Variants in FLI1 observed in about 807,000 individuals in gnomAD.
FLI1 encodes Friend leukemia integration 1 transcription factor.
In FLI1, 13 loss-of-function variants were observed where a neutral mutation model predicts 53.1. The observed-to-expected ratio is 0.24, with a 90% CI of 0.16 to 0.39. The LOEUF is 0.39. Among genes scored for constraint, FLI1 ranks in the 10% least tolerant of loss-of-function variants. The pLI is 1.00. For missense variants in FLI1, 424 were observed against 600.5 expected, an observed-to-expected ratio of 0.71 and a Z score of 3.07; for synonymous variants, 244 against 236.7, an observed-to-expected ratio of 1.03 and a Z score of -0.28.
chr11:128,802,863 T>C (rs1443796967), intron 5 of FLI1, among the ~76,000 whole-genome samples: 1 of 152,168 alleles, frequency 6.6e-6, no homozygotes, highest in Non-Finnish European at 1.5e-5. Flanking sequence ...GCATTCAGAT[T>C]TTTGCATGCC....
At chr11:128,760,540 T>C (rs796657329) in intron 2 of FLI1, among the ~76,000 whole-genome samples, 6,407 of 144,574 alleles carry the variant, frequency 0.044, 210 homozygotes, top group East Asian at 0.26. Context: ...TTTTTTTTTT[T>C]TTTTTGAGAT....
At chr11:128,708,219 G>A (rs1938635258) in intron 1 of FLI1, among the ~76,000 whole-genome samples, 1 of 152,182 alleles carries the variant, frequency 6.6e-6, no homozygotes, top group South Asian at 2.1e-4. Context: ...TGAGACACAA[G>A]AATCCTTCTT....
chr11:128,718,392 C>G (rs757510681), intron 1 of FLI1, among the ~76,000 whole-genome samples: 1 of 152,172 alleles, frequency 6.6e-6, no homozygotes, highest in Non-Finnish European at 1.5e-5. Context: ...TTCCAAAGTG[C>G]CTCAAGCTAT....
chr11:128,740,461 C>T (rs583642), intron 1 of FLI1, among the ~76,000 whole-genome samples: 57,017 of 152,138 alleles, frequency 0.37, 10,991 homozygotes, highest in South Asian at 0.45. Flanking sequence ...TAAATATGGT[C>T]AACCTTGTTT....
intron 4 of FLI1, among the ~76,000 whole-genome samples, chr11:128,780,522 G>T (rs540562008): frequency 6.6e-6 from 1 of 152,248 alleles, no homozygotes; most frequent in African/African-American, 2.4e-5. Flanking sequence ...TTGAATCTGC[G>T]AGGCGGAGGT....
rs189717518 is a variant in FLI1, at chr11:128,802,109, A to C, written c.656-3257A>C. Among the ~76,000 whole-genome samples the C allele has an allele frequency of 2.4e-3, 359 of 152,302 alleles. 2 individuals carry two copies. The highest frequency in any genetic ancestry group is 4.3e-3 in the Non-Finnish European group (294 of 68,008). On this transcript the variant is annotated intron_variant, in intron 5 of 8. Transcript: ENST00000527786. ...CACTGAGGCCACCTCTGTGCTGGGC[A>C]CTATGCTGGGTGTTTACTTGGGTAT...
At chr11:128,700,866 C>A (rs1433471287) in intron 1 of FLI1, among the ~76,000 whole-genome samples, 1 of 152,120 alleles carries the variant, frequency 6.6e-6, no homozygotes, top group East Asian at 1.9e-4. Context: ...AAGTGAATAC[C>A]TGCCTCAAAA....
At chr11:128,775,196 A>G (rs1415098694) in intron 4 of FLI1, among the ~76,000 whole-genome samples, 1 of 152,128 alleles carries the variant, frequency 6.6e-6, no homozygotes, top group East Asian at 1.9e-4. Flanking sequence ...CATCCACAAG[A>G]TGGGAAGTAG....
At chr11:128,802,815 G>A (rs1038300110) in intron 5 of FLI1, among the ~76,000 whole-genome samples, 2 of 152,208 alleles carry the variant, frequency 1.3e-5, no homozygotes, top group Non-Finnish European at 2.9e-5. Context: ...AAATCCCATG[G>A]TCATCCGCCC....
intron 1 of FLI1, among the ~76,000 whole-genome samples, chr11:128,700,213 T>C (rs1938265446): frequency 6.6e-6 from 1 of 152,216 alleles, no homozygotes. Flanking sequence ...TTGCATCCCA[T>C]TCTCACAGTA....
intron 1 of FLI1, among the ~76,000 whole-genome samples, chr11:128,714,232 A>G (rs1473143838): frequency 2.0e-5 from 3 of 150,356 alleles, no homozygotes; most frequent in Admixed American, 6.6e-5. Context: ...AAAAACGGCA[A>G]CTCTTTGGCA....
intron 1 of FLI1, among the ~76,000 whole-genome samples, chr11:128,703,661 G>A: frequency 6.6e-6 from 1 of 152,010 alleles, no homozygotes; most frequent in East Asian, 1.9e-4. Context: ...TGGCCAACAT[G>A]GTGAAACTCT....
rs1941624638 is a variant in FLI1 at position 128,773,080 on chromosome 11, A to T, written c.589+95A>T. ...AGTGCTGCCCGTTCGTGTTGGGCAG[A>T]TGCCGCCGGAGCAGCATCGTGGGGC... On this transcript the variant is annotated intron_variant, in intron 4 of 8. Coordinates refer to ENST00000527786, the MANE Select transcript of FLI1 (RefSeq NM_002017.5). The T allele has an allele frequency of 2.8e-5, 33 of 1,164,942 alleles. No homozygotes were observed. The South Asian group carries it at 3.8e-4, about 13-fold the overall frequency. 72.2% of individuals were successfully genotyped at this position (1,164,942 alleles called of 1,614,324 possible). A position where few individuals can be genotyped will look rare whatever the true frequency, so the allele number is the denominator to read the frequency against.
Position 128,751,718 on chromosome 11 carries a change from C to A in FLI1, c.19-6397C>A, listed in dbSNP as rs560669115. Among the ~76,000 whole-genome samples the A allele has an allele frequency of 2.6e-5, 4 of 151,492 alleles. No homozygotes were observed. In the East Asian group the frequency reaches 7.8e-4, roughly 29 times the overall value. On this transcript the variant is annotated intron_variant, in intron 1 of 8. Coordinates refer to ENST00000527786, the MANE Select transcript of FLI1 (RefSeq NM_002017.5). ...ATTTTTTGTATTTTTTTAGTAGAGA[C>A]AGGGTTTCACCATGTTAGCCAGGAT...
chr11:128,773,767 A>C (rs1941646431), intron 4 of FLI1, among the ~76,000 whole-genome samples: 1 of 151,774 alleles, frequency 6.6e-6, no homozygotes, highest in Admixed American at 6.6e-5. Context: ...AATCCAGGCC[A>C]GGTGGTATAT....
At chr11:128,785,161 T>C (rs1942044327) in intron 5 of FLI1, among the ~76,000 whole-genome samples, 1 of 151,998 alleles carries the variant, frequency 6.6e-6, no homozygotes, top group African/African-American at 2.4e-5. Context: ...TGGACATGGA[T>C]TGGATCCAGC....
At chr11:128,711,610 A>G (rs775190022) in intron 1 of FLI1, among the ~76,000 whole-genome samples, 1 of 152,250 alleles carries the variant, frequency 6.6e-6, no homozygotes, top group Non-Finnish European at 1.5e-5. Context: ...GCTTTGCCCT[A>G]TACCTTTTCA....
At chr11:128,757,044 T>TTTCTTTC (rs1555116906) in intron 1 of FLI1, among the ~76,000 whole-genome samples, 10 of 107,028 alleles carry the variant, frequency 9.3e-5, no homozygotes, top group Non-Finnish European at 1.3e-4. Context: ...CTAGCTAATT[T>TTTCTTTC]TTTCTTTCTT....
intron 4 of FLI1, among the ~76,000 whole-genome samples, chr11:128,774,110 T>A (rs1941660974): frequency 6.6e-6 from 1 of 152,158 alleles, no homozygotes; most frequent in African/African-American, 2.4e-5. Flanking sequence ...TGTGGACCTT[T>A]AACTCCCCAT....
Sources: gnomAD v4.1 joint callset for allele counts (sites outside exome capture counted in the v4.1 genomes callset) on GRCh38, gnomAD v4.1.1 for gene constraint, MANE v1.5 for transcripts, NCBI Gene and HGNC (gene_info 2026-07-23, HGNC 2026-07-21) for gene names.